Variants in RAPGEF6 observed in about 807,000 individuals in gnomAD.
RAPGEF6 encodes the protein Rap guanine nucleotide exchange factor 6, also known as PDZ domain containing guanine nucleotide exchange factor (GEF) 2.
A neutral mutation model predicts 171.4 loss-of-function variants in RAPGEF6; 56 were observed. The ratio of observed to expected loss-of-function variants is 0.33; its 90% CI spans 0.26 to 0.41. The LOEUF is 0.41. Among genes scored for constraint, RAPGEF6 ranks in the 10% least tolerant of loss-of-function variants. The pLI is 1.00. For missense variants in RAPGEF6, 1,674 were observed against 1,921.4 expected (o/e 0.87, Z 2.41); for synonymous variants, 692 against 650.1 (o/e 1.06, Z -0.98).
chr5:131,630,453 G>A (rs756672010), intron 1 of RAPGEF6, among the ~76,000 whole-genome samples: 7 of 152,214 alleles, frequency 4.6e-5, no homozygotes, highest in Non-Finnish European at 1.0e-4. Flanking sequence ...CAAACCTGCA[G>A]TATCTGGGAG....
chr5:131,625,749 G>A (rs1049850956), intron 1 of RAPGEF6, among the ~76,000 whole-genome samples: 1 of 151,004 alleles, frequency 6.6e-6, no homozygotes, highest in East Asian at 2.0e-4. Context: ...CCGGGAGGTG[G>A]AGCTTGCAGT....
chr5:131,537,469 A>G (rs1759846750), intron 6 of RAPGEF6, among the ~76,000 whole-genome samples: 1 of 152,176 alleles, frequency 6.6e-6, no homozygotes, highest in Non-Finnish European at 1.5e-5. Flanking sequence ...TAATTTCTGT[A>G]ACTCAATCCT....
At chr5:131,533,197 CACACACACACACACA>C (rs1759521652) in intron 6 of RAPGEF6, among the ~76,000 whole-genome samples, 5 of 151,494 alleles carry the variant, frequency 3.3e-5, no homozygotes, top group Non-Finnish European at 4.4e-5. Flanking sequence ...CACACACACA[CACACACACACACACA>C]CCCCATCCTC....
chr5:131,593,942 GA>G (rs1177541535), intron 3 of RAPGEF6, among the ~76,000 whole-genome samples: 2 of 152,208 alleles, frequency 1.3e-5, no homozygotes, highest in Non-Finnish European at 2.9e-5. Flanking sequence ...TGGTAGAAAA[GA>G]AAACCCCATT....
At chr5:131,566,469 G>A (rs1761943665) in intron 4 of RAPGEF6, among the ~76,000 whole-genome samples, 1 of 152,028 alleles carries the variant, frequency 6.6e-6, no homozygotes, top group South Asian at 2.1e-4. Context: ...ATATAAACCA[G>A]GATTCTGTTT....
At chr5:131,522,032 G>T (rs1758531948) in intron 6 of RAPGEF6, among the ~76,000 whole-genome samples, 1 of 152,154 alleles carries the variant, frequency 6.6e-6, no homozygotes, top group South Asian at 2.1e-4. Context: ...GTAACAAGTT[G>T]ATTACATTAA....
At chr5:131,483,633 A>G (rs1561500216) in intron 15 of RAPGEF6, among the ~76,000 whole-genome samples, 1 of 152,242 alleles carries the variant, frequency 6.6e-6, no homozygotes, top group Non-Finnish European at 1.5e-5. Context: ...CCACATATGT[A>G]TATATGCGTT....
intron 1 of RAPGEF6, among the ~76,000 whole-genome samples, chr5:131,611,207 C>T (rs752196189): frequency 2.0e-5 from 3 of 152,180 alleles, no homozygotes; most frequent in African/African-American, 4.8e-5. Flanking sequence ...TCCATTTTTG[C>T]TCAGAGGCAT....
At chr5:131,463,824 C>A in intron 18 of RAPGEF6, 1 of 1,200,808 alleles carries the variant, frequency 8.3e-7, no homozygotes, top group Admixed American at 3.9e-5. Context: ...AGATTTGTAT[C>A]ATTCAGCTTC....
At chr5:131,608,546 A>C (rs2150020958) in intron 1 of RAPGEF6, among the ~76,000 whole-genome samples, 1 of 152,324 alleles carries the variant, frequency 6.6e-6, no homozygotes, top group South Asian at 2.1e-4. Flanking sequence ...GCCAAAGGAT[A>C]GCAGCTGCTA....
At chr5:131,509,397 G>A (rs138546026) in intron 8 of RAPGEF6, among the ~76,000 whole-genome samples, 3,046 of 152,110 alleles carry the variant, frequency 0.02, 105 homozygotes, top group African/African-American at 0.07. Context: ...CAAAAAATTA[G>A]CCAGGCGTGG....
rs1018648518 is a variant in RAPGEF6 at position 131,424,323 on chromosome 5, A to G, written c.*2943T>C. 14 of 152,388 alleles carry G rather than the reference A, an allele frequency of 9.2e-5. 1 individual carries two copies. Among genetic ancestry groups the G allele is most frequent in the Admixed American group, 7.2e-4 (11 of 15,290 alleles). 9.4% of individuals were successfully genotyped at this position (152,388 alleles called of 1,614,324 possible). ...AAGATGAACCAGGATTCAAGTTTAAATTTGAACATGTACTGTGACACTTTT... is the reference window on the plus strand; with the variant it reads ...AAGATGAACCAGGATTCAAGTTTAAGTTTGAACATGTACTGTGACACTTTT... On this transcript the variant is annotated 3_prime_UTR_variant, in exon 28 of 28. Coordinates refer to ENST00000509018, the MANE Select transcript of RAPGEF6 (RefSeq NM_016340.6).
intron 15 of RAPGEF6, among the ~76,000 whole-genome samples, chr5:131,481,657 A>G (rs1309916441): frequency 6.6e-6 from 1 of 152,208 alleles, no homozygotes; most frequent in Non-Finnish European, 1.5e-5. Flanking sequence ...TTGCCTTGTG[A>G]GGATGGCTAC....
chr5:131,508,309 A>G, intron 8 of RAPGEF6, 102 bp from the exon 9 acceptor site: 1 of 1,197,842 alleles, frequency 8.3e-7, no homozygotes, highest in African/African-American at 1.6e-5. Flanking sequence ...ATCAACTTAT[A>G]AATTTATGTT....
At chr5:131,445,813 T>C (rs542213977) in intron 22 of RAPGEF6, among the ~76,000 whole-genome samples, 2 of 152,182 alleles carry the variant, frequency 1.3e-5, no homozygotes, top group Non-Finnish European at 2.9e-5. Context: ...CCTAGGTTTC[T>C]AGGTGTGACC....
At chr5:131,516,445 G>A (rs1406520967) in intron 7 of RAPGEF6, among the ~76,000 whole-genome samples, 2 of 152,174 alleles carry the variant, frequency 1.3e-5, no homozygotes, top group Non-Finnish European at 2.9e-5. Context: ...CCAGAGTTCT[G>A]AAGAGATTGG....
At chr5:131,592,565 T>C in intron 3 of RAPGEF6, 99 bp from the exon 4 acceptor site, 1 of 1,479,216 alleles carries the variant, frequency 6.8e-7, no homozygotes, top group Non-Finnish European at 9.0e-7. Context: ...GTACAAATAA[T>C]TAAAAATGAA....
chr5:131,530,830 C>A (rs1414774010), intron 6 of RAPGEF6, among the ~76,000 whole-genome samples: 1 of 152,160 alleles, frequency 6.6e-6, no homozygotes, highest in Admixed American at 6.5e-5. Flanking sequence ...CCCTATATCT[C>A]ATTCTTAATT....
intron 4 of RAPGEF6, among the ~76,000 whole-genome samples, chr5:131,566,433 C>T (rs1761941267): frequency 6.6e-6 from 1 of 152,128 alleles, no homozygotes; most frequent in African/African-American, 2.4e-5. Flanking sequence ...ATAATCCCAA[C>T]TTGATCATGG....
Sources: gnomAD v4.1 joint callset for allele counts (sites outside exome capture counted in the v4.1 genomes callset) on GRCh38, gnomAD v4.1.1 for gene constraint, MANE v1.5 for transcripts, NCBI Gene and HGNC (gene_info 2026-07-23, HGNC 2026-07-21) for gene names.